The following PTPRD variants were observed in gnomAD, a reference collection of about 807,000 sequenced individuals.
PTPRD encodes protein tyrosine phosphatase receptor type D, also known as receptor-type tyrosine-protein phosphatase delta.
PTPRD carries 34 observed loss-of-function variants against 214.5 expected under a neutral mutation model. The observed-to-expected ratio is 0.16, with a 90% CI of 0.12 to 0.21. The LOEUF is 0.21. PTPRD is among the 10% of genes least tolerant of loss of function. The probability of loss-of-function intolerance (pLI) is 1.00; values close to 1 mark genes in which losing one functional copy is unlikely to be tolerated. For missense variants in PTPRD, 2,545 were observed against 2,398.7 expected, an observed-to-expected ratio of 1.06 and a Z score of -1.27; for synonymous variants, 1,128 against 845.7, an observed-to-expected ratio of 1.33 and a Z score of -5.79.
At chr9:8,833,635 T>A (rs1057398499) in intron 11 of PTPRD, among the ~76,000 whole-genome samples, 1 of 150,920 alleles carries the variant, frequency 6.6e-6, no homozygotes, top group African/African-American at 2.4e-5. Flanking sequence ...AATGATGCAA[T>A]CTTAATAACA....
chr9:9,475,020 A>G (rs2094922332), intron 8 of PTPRD, among the ~76,000 whole-genome samples: 1 of 152,170 alleles, frequency 6.6e-6, no homozygotes, highest in Admixed American at 6.6e-5. Flanking sequence ...TAGATGAAGT[A>G]CAGGCTTTTA....
intron 4 of PTPRD, among the ~76,000 whole-genome samples, chr9:9,949,077 T>A (rs2093151893): frequency 6.6e-6 from 1 of 152,074 alleles, no homozygotes; most frequent in Admixed American, 6.6e-5. Flanking sequence ...GAATTGTTCA[T>A]ATGTCTCAAA....
At chr9:8,554,410 G>GAAAGT (rs1175418128) in intron 14 of PTPRD, among the ~76,000 whole-genome samples, 2 of 152,082 alleles carry the variant, frequency 1.3e-5, no homozygotes, top group Non-Finnish European at 2.9e-5. Context: ...AAAAAGTAGG[G>GAAAGT]AAAAAGTCCT....
chr9:8,392,268 T>C (rs2089860636), intron 36 of PTPRD, among the ~76,000 whole-genome samples: 1 of 152,004 alleles, frequency 6.6e-6, no homozygotes, highest in Non-Finnish European at 1.5e-5. Flanking sequence ...CTCATGCCTG[T>C]AATTCCGACA....
chr9:10,268,537 C>T (rs965111608), intron 3 of PTPRD, among the ~76,000 whole-genome samples: 3 of 152,046 alleles, frequency 2.0e-5, no homozygotes, highest in African/African-American at 7.2e-5. Context: ...AACTTTTGAT[C>T]CTTCTGACAC....
chr9:9,019,313 A>AAGG (rs2099551880), intron 10 of PTPRD, among the ~76,000 whole-genome samples: 13 of 106,376 alleles, frequency 1.2e-4, no homozygotes, highest in African/African-American at 3.9e-4. Context: ...AGAAAGAAAG[A>AAGG]AAGAAAGAAA....
At chr9:9,149,084 T>C (rs2099873422) in intron 10 of PTPRD, among the ~76,000 whole-genome samples, 1 of 152,222 alleles carries the variant, frequency 6.6e-6, no homozygotes, top group Admixed American at 6.5e-5. Flanking sequence ...AGTTAAGAGT[T>C]CAGCTTCCGC....
chr9:9,870,206 T>C (rs1381349619), intron 5 of PTPRD, among the ~76,000 whole-genome samples: 1 of 152,076 alleles, frequency 6.6e-6, no homozygotes, highest in Admixed American at 6.6e-5. Flanking sequence ...CAATAATTTC[T>C]ATTTTGAAGT....
intron 2 of PTPRD, among the ~76,000 whole-genome samples, chr9:10,533,754 A>G (rs1005405636): frequency 6.6e-5 from 10 of 152,032 alleles, no homozygotes; most frequent in African/African-American, 2.4e-4. Context: ...TAGTAAGAAT[A>G]TAATAATAAA....
At chr9:8,636,652 A>G in intron 13 of PTPRD, 47 bp downstream of exon 13, 5 of 1,604,328 alleles carry the variant, frequency 3.1e-6, no homozygotes, top group Non-Finnish European at 3.4e-6. Flanking sequence ...CCAAAGACAG[A>G]GCAGATACAT....
At chr9:10,337,289 T>G (rs978787221) in intron 3 of PTPRD, among the ~76,000 whole-genome samples, 4 of 151,668 alleles carry the variant, frequency 2.6e-5, no homozygotes, top group Non-Finnish European at 4.4e-5. Flanking sequence ...AATAAAATGT[T>G]AAAGGGTGAG....
Position 9,008,473 on chromosome 9 carries a change from G to A in PTPRD, c.-104+10224C>T, listed in dbSNP as rs1295017880. Among the ~76,000 whole-genome samples, 5 of 151,758 alleles carry A rather than the reference G, an allele frequency of 3.3e-5. No homozygotes were observed. The South Asian group carries it at 6.2e-4, about 19-fold the overall frequency. ...CATCTCCTGACCTTGTGATCCACCC[G>A]TCTCGGCCTCCCAAAGTCCTGGGAT... On this transcript the variant is annotated intron_variant, in intron 11 of 45. Coordinates refer to ENST00000381196, the MANE Select transcript of PTPRD (RefSeq NM_002839.4).
intron 2 of PTPRD, among the ~76,000 whole-genome samples, chr9:10,585,074 T>C (rs1591482175): frequency 6.6e-6 from 1 of 152,238 alleles, no homozygotes; most frequent in East Asian, 1.9e-4. Context: ...TCCCCTTAAA[T>C]AAATTGTGAA....
intron 10 of PTPRD, among the ~76,000 whole-genome samples, chr9:9,039,499 G>C (rs1163227121): frequency 6.6e-6 from 1 of 152,108 alleles, no homozygotes; most frequent in African/African-American, 2.4e-5. Flanking sequence ...CCACCATCCT[G>C]CTTTTGTAAA....
intron 11 of PTPRD, among the ~76,000 whole-genome samples, chr9:8,856,239 T>C (rs931649272): frequency 8.5e-5 from 13 of 152,304 alleles, no homozygotes; most frequent in African/African-American, 2.9e-4. Flanking sequence ...TACATCAGAA[T>C]GTTTCAAGTT....
chr9:9,970,450 G>C (rs1331570157), intron 4 of PTPRD, among the ~76,000 whole-genome samples: 3 of 122,504 alleles, frequency 2.4e-5, no homozygotes, highest in Non-Finnish European at 5.4e-5. Context: ...AAAAGAAAAA[G>C]AAAAAGAAAA....
chr9:8,408,794 C>T (rs1329651182), intron 35 of PTPRD, among the ~76,000 whole-genome samples: 2 of 152,114 alleles, frequency 1.3e-5, no homozygotes, highest in African/African-American at 2.4e-5. Context: ...TTTGACTAAA[C>T]CTTTCTAACG....
chr9:9,549,116 G>A (rs2079555556), intron 8 of PTPRD, among the ~76,000 whole-genome samples: 1 of 151,900 alleles, frequency 6.6e-6, no homozygotes, highest in Non-Finnish European at 1.5e-5. Context: ...TTTTAGATAA[G>A]AAATAGAAAG....
chr9:9,311,994 G>C lies in PTPRD; in HGVS notation c.-203+85455C>G, dbSNP rs1423170211. Among the ~76,000 whole-genome samples, 5 of 152,158 alleles carry C rather than the reference G, an allele frequency of 3.3e-5. No homozygotes were observed. The East Asian group carries it at 9.6e-4, about 29-fold the overall frequency. On this transcript the variant is annotated intron_variant, in intron 9 of 45. Coordinates refer to ENST00000381196, the MANE Select transcript of PTPRD (RefSeq NM_002839.4). ...GCTAAATGTAGCAATATACACTGCA[G>C]TTTTAATTTGCTAGTCCTGTTTATT...
Sources: allele counts gnomAD v4.1 joint callset (sites outside exome capture counted in the v4.1 genomes callset), GRCh38; gene constraint gnomAD v4.1.1; transcripts MANE v1.5; gene names NCBI Gene and HGNC (gene_info 2026-07-23, HGNC 2026-07-21).